ITGA8: variants seen among roughly 807,000 people sequenced by gnomAD.
ITGA8 encodes integrin subunit alpha 8.
In ITGA8, 91 loss-of-function variants were observed where a neutral mutation model predicts 142.3. The ratio of observed to expected loss-of-function variants is 0.64; its 90% CI spans 0.54 to 0.76. ITGA8 has a LOEUF of 0.76. ITGA8 is among the 30% of genes least tolerant of loss of function. The probability of loss-of-function intolerance (pLI) is 0.00; values close to 1 mark genes in which losing one functional copy is unlikely to be tolerated. For synonymous variants in ITGA8, 505 were observed against 485.2 expected (o/e 1.04, Z -0.54); for missense variants, 1,406 against 1,327.7 (o/e 1.06, Z -0.92).
intron 18 of ITGA8, among the ~76,000 whole-genome samples, chr10:15,606,035 A>G (rs1433541139): frequency 6.6e-6 from 1 of 152,166 alleles, no homozygotes; most frequent in Non-Finnish European, 1.5e-5. Context: ...TGGCTTGAGG[A>G]TTACAGGCTG....
chr10:15,533,086 A>C (rs996411600), intron 27 of ITGA8, among the ~76,000 whole-genome samples: 1 of 152,196 alleles, frequency 6.6e-6, no homozygotes, highest in Non-Finnish European at 1.5e-5. Context: ...CTACCAGTAC[A>C]TCACTGTCTA....
intron 25 of ITGA8, among the ~76,000 whole-genome samples, chr10:15,562,885 C>T (rs1400846803): frequency 6.6e-6 from 1 of 152,160 alleles, no homozygotes; most frequent in African/African-American, 2.4e-5. Context: ...TCCCAAATCT[C>T]ATGTCGAGTT....
chr10:15,672,583 T>C, intron 7 of ITGA8, 41 bp downstream of exon 7: 1 of 1,580,760 alleles, frequency 6.3e-7, no homozygotes, highest in Non-Finnish European at 8.6e-7. Flanking sequence ...ACTATGCTTG[T>C]CTTTTGAAAA....
At chr10:15,636,586 G>A (rs1833775792) in intron 13 of ITGA8, among the ~76,000 whole-genome samples, 1 of 152,022 alleles carries the variant, frequency 6.6e-6, no homozygotes, top group Admixed American at 6.5e-5. Context: ...CTTTTCTTGG[G>A]TACACTGCAT....
At chr10:15,668,544 G>A (rs1389320674) in intron 8 of ITGA8, among the ~76,000 whole-genome samples, 1 of 151,974 alleles carries the variant, frequency 6.6e-6, no homozygotes, top group African/African-American at 2.4e-5. Context: ...TTTTATGTGT[G>A]AATTTGATCC....
chr10:15,534,233 T>C (rs116382637), intron 27 of ITGA8, among the ~76,000 whole-genome samples: 1,650 of 152,246 alleles, frequency 0.011, 25 homozygotes, highest in African/African-American at 0.038. Context: ...TGACTGCCGT[T>C]TCTGGTGGTT....
intron 3 of ITGA8, among the ~76,000 whole-genome samples, chr10:15,685,514 C>T (rs538708986): frequency 6.6e-6 from 1 of 152,188 alleles, no homozygotes; most frequent in Admixed American, 6.5e-5. Context: ...TAAATGCATG[C>T]CTATCAGATA....
intron 14 of ITGA8, among the ~76,000 whole-genome samples, chr10:15,615,804 G>A (rs1235908563): frequency 6.6e-6 from 1 of 152,016 alleles, no homozygotes; most frequent in Non-Finnish European, 1.5e-5. Context: ...ATGAGGCACC[G>A]TGTCCTGCCA....
Position 15,719,691 on chromosome 10 carries a change from C to T in ITGA8, c.81G>A (p.Leu27=). Residue 27 remains leucine, a synonymous_variant, in exon 1 of 30, where the codon CTG becomes CTA. Transcript: ENST00000378076. ...AGGCGGGGGACCACAGCAACATCCC[C>T]AGCGCGGCCGCGGCGCAGCAGAGGG... ...IAPLCCAAAA[L]GMLLWSPACQ... 9 of 1,468,456 alleles carry T rather than the reference C, an allele frequency of 6.1e-6. No homozygotes were observed. The highest frequency in any genetic ancestry group is 8.0e-6 in the Non-Finnish European group (9 of 1,119,830). The allele number at this position is 1,468,456 out of a possible 1,614,324, so 91.0% of individuals were successfully genotyped here.
intron 13 of ITGA8, among the ~76,000 whole-genome samples, chr10:15,634,076 A>G (rs906599004): frequency 6.6e-6 from 1 of 151,994 alleles, no homozygotes; most frequent in African/African-American, 2.4e-5. Flanking sequence ...TCTCCCTACA[A>G]CCACTCACAG....
intron 27 of ITGA8, among the ~76,000 whole-genome samples, chr10:15,539,475 C>T (rs1047725971): frequency 6.6e-6 from 1 of 152,024 alleles, no homozygotes; most frequent in African/African-American, 2.4e-5. Context: ...GGAAGTGGAC[C>T]AGAAGCTGAG....
intron 28 of ITGA8, among the ~76,000 whole-genome samples, chr10:15,527,697 G>T (rs542187690): frequency 2.6e-5 from 4 of 152,112 alleles, no homozygotes; most frequent in Admixed American, 2.6e-4. Context: ...GGCCTCAAGA[G>T]ATGGCTGAAT....
chr10:15,592,238 G>C lies in ITGA8; in HGVS notation c.2278C>G (p.Leu760Val). ...EKTNMSINFDLQIRSSNKDNP... is the reference protein window; with the variant it reads ...EKTNMSINFDVQIRSSNKDNP... ...TAAAGGTCTAACCTTCTGATTTGGA[G>C]ATCGAAGTTAATGCTCATGTTTGTT... The change falls in exon 22 of 30, where the codon CTC becomes GTC. Residue 760 changes from leucine (L) to valine (V), a missense_variant. Transcript: ENST00000378076. 1 of 1,613,036 alleles carries C rather than the reference G, an allele frequency of 6.2e-7. No individual in the cohort carries two copies. The highest frequency in any genetic ancestry group is 8.5e-7 in the Non-Finnish European group (1 of 1,179,074).
At chr10:15,534,059 AC>A (rs969920320) in intron 27 of ITGA8, among the ~76,000 whole-genome samples, 1 of 150,834 alleles carries the variant, frequency 6.6e-6, no homozygotes, top group African/African-American at 2.5e-5. Context: ...GGCAAGTACC[AC>A]CATGCTTGGC....
chr10:15,668,465 C>T (rs1373522758), intron 8 of ITGA8, among the ~76,000 whole-genome samples: 2 of 148,874 alleles, frequency 1.3e-5, no homozygotes, highest in Non-Finnish European at 3.0e-5. Context: ...GGTCTTGACT[C>T]TTTATGCGAT....
chr10:15,519,148 G>A (rs1369734262), intron 29 of ITGA8, 142 bp downstream of exon 29: 4 of 876,964 alleles, frequency 4.6e-6, no homozygotes, highest in African/African-American at 3.4e-5. Context: ...AACAAGACAC[G>A]ATTTTCCCTT....
rs545929379 is a variant in ITGA8, at chr10:15,557,967, C to G, written c.2766+107G>C. 7.0e-4 allele frequency: 935 copies of G among 1,343,118 alleles called. 19 individuals carry two copies. In the South Asian group the frequency reaches 0.01, roughly 15 times the overall value. 83.2% of individuals were successfully genotyped at this position (1,343,118 alleles called of 1,614,324 possible). A position where few individuals can be genotyped will look rare whatever the true frequency, so the allele number is the denominator to read the frequency against. On this transcript the variant is annotated intron_variant, in intron 26 of 29. Transcript: ENST00000378076. The stretch of plus-strand genomic sequence containing the variant: ...CTGCCAAACGTTAGGAATATCTGAG[C>G]ACTGAAGGAGACCAAGAACAATCCT...
At chr10:15,659,366 T>A (rs1170634111) in intron 9 of ITGA8, among the ~76,000 whole-genome samples, 1 of 152,234 alleles carries the variant, frequency 6.6e-6, no homozygotes, top group Non-Finnish European at 1.5e-5. Context: ...TTAGTCAGGA[T>A]TTTTGTCCAA....
intron 27 of ITGA8, among the ~76,000 whole-genome samples, chr10:15,541,423 CT>C (rs1408563874): frequency 1.3e-5 from 2 of 152,186 alleles, no homozygotes; most frequent in African/African-American, 2.4e-5. Context: ...AAAATCACTT[CT>C]TGTTCACTTT....
Sources: gnomAD v4.1 joint callset for allele counts (sites outside exome capture counted in the v4.1 genomes callset) on GRCh38, gnomAD v4.1.1 for gene constraint, MANE v1.5 for transcripts, NCBI Gene and HGNC (gene_info 2026-07-23, HGNC 2026-07-21) for gene names.